The following PARPBP variants were observed in gnomAD, a reference collection of about 807,000 sequenced individuals.
The protein encoded by PARPBP is PARP1 binding protein, also known as PCNA-interacting partner.
Under a neutral mutation model 50.0 loss-of-function variants are expected in PARPBP, and 52 were observed. The ratio of observed to expected loss-of-function variants is 1.04; its 90% CI spans 0.83 to 1.31. The LOEUF (loss-of-function observed/expected upper bound fraction) is 1.31, where lower values mean the gene tolerates loss of function less well. Ranked by LOEUF, PARPBP falls within the 50% of genes most tolerant of loss-of-function variation. PARPBP has a pLI of 0.00. For synonymous variants in PARPBP, 244 were observed against 232.1 expected (o/e 1.05, Z -0.47); for missense variants, 697 against 672.0 (o/e 1.04, Z -0.41).
intron 1 of PARPBP, among the ~76,000 whole-genome samples, chr12:102,122,577 C>T (rs998190955): frequency 6.6e-6 from 1 of 152,172 alleles, no homozygotes; most frequent in African/African-American, 2.4e-5. Flanking sequence ...AAACTTTTAG[C>T]AGGCATGTCT....
chr12:102,191,594 G>A (rs936289325), intron 9 of PARPBP, among the ~76,000 whole-genome samples: 1 of 151,980 alleles, frequency 6.6e-6, no homozygotes, highest in Non-Finnish European at 1.5e-5. Context: ...TCAGTGTTTT[G>A]ACTCATTTAT....
At chr12:102,168,680 A>G (rs1385433182) in intron 6 of PARPBP, among the ~76,000 whole-genome samples, 1 of 152,198 alleles carries the variant, frequency 6.6e-6, no homozygotes, top group East Asian at 1.9e-4. Flanking sequence ...AAGAATGCTT[A>G]TCTGGATGGG....
At chr12:102,150,625 A>G (rs543171259) in intron 3 of PARPBP, among the ~76,000 whole-genome samples, 1 of 152,290 alleles carries the variant, frequency 6.6e-6, no homozygotes, top group Admixed American at 6.5e-5. Flanking sequence ...CGGAGCATAC[A>G]AGGCCTTAGA....
At position 102,195,355 on chromosome 12, in the gene PARPBP, A is replaced by T; in HGVS notation, c.1307A>T (p.Lys436Ile). ...LIRSQFACTY[K>I]DDYMISKDNW... ...AGATCCCAATTTGCTTGTACTTATA[A>T]AGATGACTACATGATAAGCAAGGAT... The change falls in exon 10 of 11, where the codon AAA becomes ATA. Residue 436 changes from lysine (K) to isoleucine (I), a missense_variant. By Grantham distance (102) the Lys-to-Ile change is moderately radical. Transcript: ENST00000327680. 1 of 1,586,348 alleles carries T rather than the reference A, an allele frequency of 6.3e-7. No homozygotes were observed. Among genetic ancestry groups the T allele is most frequent in the Non-Finnish European group, 8.6e-7 (1 of 1,159,206 alleles).
chr12:102,183,075 T>C (rs1179097999), intron 9 of PARPBP, among the ~76,000 whole-genome samples: 1 of 152,204 alleles, frequency 6.6e-6, no homozygotes, highest in Non-Finnish European at 1.5e-5. Flanking sequence ...TGACTAGAAC[T>C]GTTCCTGTTC....
intron 2 of PARPBP, among the ~76,000 whole-genome samples, chr12:102,130,727 C>T (rs144782470): frequency 0.03 from 4,531 of 151,602 alleles, 96 homozygotes; most frequent in Non-Finnish European, 0.049. Flanking sequence ...TGGGGGCAGA[C>T]GCCTGTAATC....
intron 1 of PARPBP, among the ~76,000 whole-genome samples, chr12:102,123,396 A>G (rs539469318): frequency 1.3e-5 from 2 of 152,110 alleles, no homozygotes; most frequent in East Asian, 1.9e-4. Flanking sequence ...GCCACATTCT[A>G]TTGGTTAAAT....
At chr12:102,179,514 C>G (rs35081091) in intron 8 of PARPBP, among the ~76,000 whole-genome samples, 62 of 152,102 alleles carry the variant, frequency 4.1e-4, no homozygotes, top group Admixed American at 1.6e-3. Flanking sequence ...AGGGCTTTCC[C>G]CTTGGGTTGC....
chr12:102,164,480 C>T lies in PARPBP; in HGVS notation c.538C>T (p.Leu180=), dbSNP rs1354613467. 42 of 1,612,722 alleles carry T rather than the reference C, an allele frequency of 2.6e-5. No individual in the cohort carries two copies. The highest frequency in any genetic ancestry group is 3.5e-5 in the Non-Finnish European group (41 of 1,179,006). ...GAAAATTATCTTTTCATATTTAAAT[C>T]TGCTAGTGAATTCAAAGAATGACCT... ...ARKIIFSYLN[L]LVNSKNDLAV... The change falls in exon 5 of 11, where the codon CTG becomes TTG. Residue 180 remains leucine, a synonymous_variant. Coordinates refer to ENST00000327680, the MANE Select transcript of PARPBP (RefSeq NM_017915.5).
At chr12:102,154,153 G>T (rs1001863628) in intron 4 of PARPBP, among the ~76,000 whole-genome samples, 177 bp downstream of exon 4, 2 of 152,176 alleles carry the variant, frequency 1.3e-5, no homozygotes, top group Non-Finnish European at 2.9e-5. Context: ...TGTGATAAAA[G>T]AGTCTTTATG....
chr12:102,153,820 T>C, intron 3 of PARPBP, 49 bp from the exon 4 acceptor site: 1 of 990,028 alleles, frequency 1.0e-6, no homozygotes, highest in Non-Finnish European at 1.6e-6. Flanking sequence ...TGAAGTATTT[T>C]TTATAGTCAG....
rs147569044 is a variant in PARPBP at position 102,196,111 on chromosome 12, T to G, written c.1560T>G (p.Ile520Met). The G allele has an allele frequency of 5.0e-6, 8 of 1,611,888 alleles. No individual in the cohort carries two copies. The highest frequency in any genetic ancestry group is 5.1e-6 in the Non-Finnish European group (6 of 1,178,706). ...RKQVDLDGEN[I>M]LCDNRNEPPQ... ...AGGTGGATTTGGATGGTGAAAATAT[T>G]CTCTGTGATAATAGAAATGAACCAC... Residue 520 changes from isoleucine to methionine, a missense_variant, in exon 11 of 11, where the codon ATT (isoleucine) becomes ATG (methionine). Coordinates refer to ENST00000327680, the MANE Select transcript of PARPBP (RefSeq NM_017915.5).
chr12:102,140,446 A>G (rs146616297), intron 2 of PARPBP, among the ~76,000 whole-genome samples: 2,732 of 152,028 alleles, frequency 0.018, 77 homozygotes, highest in African/African-American at 0.06. Context: ...TCCTGGGTTC[A>G]TTGATTTTTT....
At chr12:102,140,469 G>T (rs949351808) in intron 2 of PARPBP, among the ~76,000 whole-genome samples, 4 of 152,012 alleles carry the variant, frequency 2.6e-5, no homozygotes, top group Non-Finnish European at 5.9e-5. Flanking sequence ...AGGGTTTTTT[G>T]TGTCTCTATT....
chr12:102,174,601 C>T (rs1158746346), intron 6 of PARPBP, among the ~76,000 whole-genome samples: 1 of 152,178 alleles, frequency 6.6e-6, no homozygotes, highest in Admixed American at 6.5e-5. Context: ...TCAGACCACA[C>T]CAGTTTCTCA....
chr12:102,195,907 T>C (rs954172304), intron 10 of PARPBP, 44 bp from the exon 11 acceptor site: 2 of 1,239,500 alleles, frequency 1.6e-6, no homozygotes, highest in Admixed American at 2.4e-5. Context: ...ATATTAATAC[T>C]CAATATCATG....
intron 9 of PARPBP, among the ~76,000 whole-genome samples, chr12:102,184,096 A>T (rs1890095617): frequency 6.6e-6 from 1 of 151,506 alleles, no homozygotes; most frequent in Admixed American, 6.6e-5. Context: ...CATAAGGAAA[A>T]ATCACTGACA....
At chr12:102,134,158 A>G (rs994029307) in intron 2 of PARPBP, among the ~76,000 whole-genome samples, 12 of 151,712 alleles carry the variant, frequency 7.9e-5, no homozygotes, top group Admixed American at 2.6e-4. Context: ...GCAAAGATCA[A>G]TGAAGCTAAG....
At chr12:102,152,793 C>G (rs1886379525) in intron 3 of PARPBP, among the ~76,000 whole-genome samples, 1 of 151,368 alleles carries the variant, frequency 6.6e-6, no homozygotes, top group African/African-American at 2.4e-5. Context: ...AAAAGGGTTC[C>G]CAACCCTTTG....
Sources: gnomAD v4.1 joint callset for allele counts (sites outside exome capture counted in the v4.1 genomes callset) on GRCh38, gnomAD v4.1.1 for gene constraint, MANE v1.5 for transcripts, NCBI Gene and HGNC (gene_info 2026-07-23, HGNC 2026-07-21) for gene names.